Variants in CSMD2 observed in about 807,000 individuals in gnomAD.
CSMD2 encodes the protein CUB and Sushi multiple domains 2.
A neutral mutation model predicts 398.5 loss-of-function variants in CSMD2; 130 were observed. That is an observed-to-expected ratio of 0.33 (90% CI 0.28 to 0.38). The LOEUF is 0.38. CSMD2 is among the 10% of genes least tolerant of loss of function. CSMD2 has a pLI of 1.00. For missense variants in CSMD2, 3,829 were observed against 4,764.9 expected (o/e 0.80, Z 5.78); for synonymous variants, 1,828 against 1,908.5 (o/e 0.96, Z 1.10).
chr1:33,822,803 C>T (rs1323687297), intron 7 of CSMD2, among the ~76,000 whole-genome samples: 1 of 152,166 alleles, frequency 6.6e-6, no homozygotes, highest in Non-Finnish European at 1.5e-5. Flanking sequence ...GCTGCCTTAT[C>T]TGTGGTAAGC....
Position 33,636,127 on chromosome 1 carries a change from A to G in CSMD2, c.4969+233T>C, listed in dbSNP as rs6701479. Among the ~76,000 whole-genome samples, 28,512 of 152,062 alleles carry G rather than the reference A, an allele frequency of 0.19. 2,922 individuals are homozygous for G. Among genetic ancestry groups the G allele is most frequent in the Admixed American group, 0.25 (3,806 of 15,290 alleles). On this transcript the variant is annotated intron_variant, in intron 30 of 70. Transcript: ENST00000373381. The surrounding 1 kb of genome is among the most constrained non-coding windows in gnomAD (Gnocchi z 4.8). Reference sequence around the variant, plus strand: ...GCCTCTGTTGAGGGCATGAGCATCTATGTGAATGGGGGTAGGGACACCATG... The same window carrying G: ...GCCTCTGTTGAGGGCATGAGCATCTGTGTGAATGGGGGTAGGGACACCATG...
chr1:33,771,117 C>A (rs1219243188), intron 13 of CSMD2, among the ~76,000 whole-genome samples: 1 of 152,190 alleles, frequency 6.6e-6, no homozygotes, highest in East Asian at 1.9e-4. Context: ...AGAAGCTAGA[C>A]CCTCCTCCAT....
intron 1 of CSMD2, among the ~76,000 whole-genome samples, chr1:34,142,839 G>T (rs1450114843): frequency 6.6e-6 from 1 of 152,154 alleles, no homozygotes; most frequent in Non-Finnish European, 1.5e-5. Flanking sequence ...TGGCACAGAG[G>T]CTCATGGTAG....
chr1:33,934,833 GAAAAAAA>G (rs10552121), intron 4 of CSMD2, among the ~76,000 whole-genome samples: 1 of 109,612 alleles, frequency 9.1e-6, no homozygotes, highest in South Asian at 3.2e-4. Context: ...CTGTCTCCAT[GAAAAAAA>G]AAAAAAAAAA....
At chr1:33,874,183 C>T (rs1326640120) in intron 5 of CSMD2, among the ~76,000 whole-genome samples, 1 of 152,190 alleles carries the variant, frequency 6.6e-6, no homozygotes, top group Admixed American at 6.5e-5. Flanking sequence ...TAACACAATG[C>T]GTCACATGGA....
intron 42 of CSMD2, 92 bp downstream of exon 42, chr1:33,605,190 C>G: frequency 3.2e-6 from 4 of 1,246,142 alleles, no homozygotes; most frequent in Non-Finnish European, 4.5e-6. Context: ...CCTGGAGATC[C>G]CACAGAGCAG....
At chr1:33,737,331 G>A (rs1380850551) in intron 15 of CSMD2, among the ~76,000 whole-genome samples, 1 of 152,226 alleles carries the variant, frequency 6.6e-6, no homozygotes, top group African/African-American at 2.4e-5. Flanking sequence ...TCATGTCACG[G>A]TTGGGGCAAG....
At chr1:33,884,408 C>T (rs760692754) in intron 5 of CSMD2, among the ~76,000 whole-genome samples, 5 of 151,964 alleles carry the variant, frequency 3.3e-5, no homozygotes, top group Non-Finnish European at 7.4e-5. Flanking sequence ...TTCCTGCCAT[C>T]CCACACACTG....
At position 33,820,563 on chromosome 1, in the gene CSMD2, G is replaced by T. The variant is rs1570111913; in HGVS notation, c.1112-7C>A. The T allele has an allele frequency of 1.4e-5, 7 of 506,118 alleles. No homozygotes were observed. The highest frequency in any genetic ancestry group is 2.1e-5 in the Non-Finnish European group (7 of 339,086). The allele number at this position is 506,118 out of a possible 1,614,324, so 31.4% of individuals were successfully genotyped here. A position where few individuals can be genotyped will look rare whatever the true frequency, so the allele number is the denominator to read the frequency against. Reference sequence around the variant, plus strand: ...GACACACCAACCTGAGTTACTACAAGGCAAAAAAAAAAAAAAAAAAAAAAA... The same window carrying T: ...GACACACCAACCTGAGTTACTACAATGCAAAAAAAAAAAAAAAAAAAAAAA... On this transcript the variant is annotated splice_polypyrimidine_tract_variant and splice_region_variant and intron_variant, in intron 7 of 70. Transcript: ENST00000373381.
At chr1:34,054,221 T>C (rs762914281) in intron 2 of CSMD2, among the ~76,000 whole-genome samples, 7 of 152,186 alleles carry the variant, frequency 4.6e-5, no homozygotes, top group Non-Finnish European at 1.0e-4. Flanking sequence ...GGATACTACA[T>C]TGCATTTGCC....
chr1:33,915,054 C>A (rs1048099406), intron 5 of CSMD2, among the ~76,000 whole-genome samples: 1 of 152,118 alleles, frequency 6.6e-6, no homozygotes, highest in Non-Finnish European at 1.5e-5. Context: ...GCATGCCACT[C>A]TCCCTTCTGA....
intron 6 of CSMD2, among the ~76,000 whole-genome samples, chr1:33,835,488 T>A (rs1308579770): frequency 1.8e-5 from 1 of 54,662 alleles, no homozygotes; most frequent in African/African-American, 1.5e-4. Context: ...AACATCACAC[T>A]CTGGGGACTG....
chr1:34,081,227 AAGC>A (rs1198691526), intron 2 of CSMD2, among the ~76,000 whole-genome samples: 1 of 152,016 alleles, frequency 6.6e-6, no homozygotes, highest in African/African-American at 2.4e-5. Context: ...GGTCCCCACC[AAGC>A]ATGCTTGCTG....
At chr1:34,142,372 T>C (rs1052670662) in intron 1 of CSMD2, among the ~76,000 whole-genome samples, 3 of 152,070 alleles carry the variant, frequency 2.0e-5, no homozygotes, top group Non-Finnish European at 2.9e-5. Context: ...GCCCCCTCAG[T>C]CTCCTTTCAG....
intron 55 of CSMD2, among the ~76,000 whole-genome samples, chr1:33,554,251 C>A (rs919079537): frequency 7.6e-6 from 1 of 131,540 alleles, no homozygotes; most frequent in Non-Finnish European, 1.5e-5. Flanking sequence ...AGTACAGTGG[C>A]ACCATCTCAG....
At chr1:33,879,767 A>G (rs962794375) in intron 5 of CSMD2, among the ~76,000 whole-genome samples, 1 of 152,170 alleles carries the variant, frequency 6.6e-6, no homozygotes, top group African/African-American at 2.4e-5. Context: ...AGCAAACCAC[A>G]TTCTTCTGAT....
chr1:33,929,483 G>A (rs187177833), intron 4 of CSMD2, among the ~76,000 whole-genome samples: 75 of 135,340 alleles, frequency 5.5e-4, no homozygotes, highest in African/African-American at 1.7e-3. Flanking sequence ...TGTCACTCAG[G>A]TTGGAGTGCA....
chr1:33,790,661 GTCTATCTATCTATCTA>G (rs72105736), intron 11 of CSMD2, among the ~76,000 whole-genome samples: 2,052 of 149,836 alleles, frequency 0.014, 38 homozygotes, highest in African/African-American at 0.044. Flanking sequence ...CTGTTTGTCT[GTCTATCTATCTATCTA>G]TCTATCTATC....
chr1:33,984,018 G>A (rs797001442), intron 3 of CSMD2, among the ~76,000 whole-genome samples: 13 of 152,268 alleles, frequency 8.5e-5, no homozygotes, highest in African/African-American at 3.1e-4. Flanking sequence ...GCTAGGCGTG[G>A]TGGCGCATGC....
Sources: allele counts gnomAD v4.1 joint callset (sites outside exome capture counted in the v4.1 genomes callset), GRCh38; gene constraint gnomAD v4.1.1; non-coding constraint Gnocchi (gnomAD v3.1); transcripts MANE v1.5; gene names NCBI Gene and HGNC (gene_info 2026-07-23, HGNC 2026-07-21).